Variants in ZEB1 observed in about 807,000 individuals in gnomAD.
ZEB1 encodes the protein zinc finger E-box-binding homeobox 1.
ZEB1 carries 21 observed loss-of-function variants against 84.9 expected under a neutral mutation model. That is an observed-to-expected ratio of 0.25 (90% confidence interval 0.18 to 0.36). The LOEUF (loss-of-function observed/expected upper bound fraction) is 0.36. ZEB1 is among the 10% of genes least tolerant of loss of function. The pLI is 1.00. For missense variants in ZEB1, 1,104 were observed against 1,330.2 expected (o/e 0.83, Z 2.65); for synonymous variants, 420 against 471.1 (o/e 0.89, Z 1.41).
chr10:31,426,155 T>G (rs1490996449), intron 1 of ZEB1, among the ~76,000 whole-genome samples: 1 of 152,200 alleles, frequency 6.6e-6, no homozygotes, highest in African/African-American at 2.4e-5. Flanking sequence ...CAGTATGTTG[T>G]TCTGAGGATG....
chr10:31,321,617 C>A, intron 1 of ZEB1: 1 of 1,602,390 alleles, frequency 6.2e-7, no homozygotes, highest in Non-Finnish European at 8.6e-7. Flanking sequence ...TTGTTGCTGA[C>A]GACATGTGTG....
chr10:31,324,583 G>A (rs1250071960), intron 1 of ZEB1, among the ~76,000 whole-genome samples: 6 of 151,960 alleles, frequency 3.9e-5, no homozygotes, highest in African/African-American at 1.2e-4. Flanking sequence ...AGAGTACAGC[G>A]AGAGGTTAGA....
At chr10:31,430,823 A>T (rs1301249228) in intron 1 of ZEB1, among the ~76,000 whole-genome samples, 1 of 152,206 alleles carries the variant, frequency 6.6e-6, no homozygotes, top group East Asian at 1.9e-4. Context: ...CAAAATTGAA[A>T]ACAGAGGCTT....
chr10:31,439,113 A>T (rs1288823358), intron 1 of ZEB1, among the ~76,000 whole-genome samples: 1 of 152,172 alleles, frequency 6.6e-6, no homozygotes, highest in Non-Finnish European at 1.5e-5. Context: ...CCTCATTTGT[A>T]TGTCCTAGAC....
intron 2 of ZEB1, among the ~76,000 whole-genome samples, chr10:31,475,021 T>C (rs2063879383): frequency 8.3e-6 from 1 of 121,012 alleles, no homozygotes; most frequent in Non-Finnish European, 1.6e-5. Context: ...TGAGATCACA[T>C]GGACACAGGA....
At chr10:31,503,990 T>G (rs1403954544) in intron 4 of ZEB1, among the ~76,000 whole-genome samples, 1 of 138,682 alleles carries the variant, frequency 7.2e-6, no homozygotes, top group Non-Finnish European at 1.5e-5. Context: ...TTGCAGATAT[T>G]CACTCTGTTG....
intron 1 of ZEB1, among the ~76,000 whole-genome samples, chr10:31,416,248 A>G (rs1201531479): frequency 9.9e-5 from 15 of 152,082 alleles, no homozygotes; most frequent in Non-Finnish European, 2.9e-5. Flanking sequence ...ATTTAGTTCT[A>G]AATATATTTA....
chr10:31,516,539 T>TAAAAAAA (rs71027029), intron 6 of ZEB1, among the ~76,000 whole-genome samples: 5 of 34,072 alleles, frequency 1.5e-4, no homozygotes, highest in Admixed American at 5.2e-4. Flanking sequence ...TGTCTGTAAG[T>TAAAAAAA]AAAAAAAAAA....
At chr10:31,522,231 A>G (rs1163960565) in intron 7 of ZEB1, among the ~76,000 whole-genome samples, 2 of 152,254 alleles carry the variant, frequency 1.3e-5, no homozygotes, top group East Asian at 1.9e-4. Context: ...CAAAATTGAA[A>G]TACTCGCTAA....
In ZEB1 at chr10:31,359,764, G is replaced by A. The variant is rs377177403; in HGVS notation, c.58+40472G>A. Among the ~76,000 whole-genome samples, 143 of 152,206 alleles carry A rather than the reference G, an allele frequency of 9.4e-4. 2 individuals carry two copies. Among genetic ancestry groups the A allele is most frequent in the African/African-American group, 3.4e-3 (140 of 41,532 alleles). The stretch of plus-strand genomic sequence containing the variant: ...TATTCATAGCATCATTGGACATTCA[G>A]TTAGTAAATTTTCCAGATAACAAAC... On this transcript the variant is annotated intron_variant, in intron 1 of 8. Transcript: ENST00000424869.
chr10:31,469,154 A>T (rs2062828338), intron 2 of ZEB1, among the ~76,000 whole-genome samples: 1 of 152,216 alleles, frequency 6.6e-6, no homozygotes, highest in Admixed American at 6.5e-5. Context: ...TAGACTAGAC[A>T]AACCAGAAGA....
chr10:31,512,565 G>T (rs115955865), intron 5 of ZEB1, among the ~76,000 whole-genome samples: 1,977 of 152,198 alleles, frequency 0.013, 33 homozygotes, highest in African/African-American at 0.045. Context: ...TGACTAACAA[G>T]CATTTTCAAG....
chr10:31,473,171 C>G (rs1262424884), intron 2 of ZEB1, among the ~76,000 whole-genome samples: 1 of 151,094 alleles, frequency 6.6e-6, no homozygotes, highest in Non-Finnish European at 1.5e-5. Flanking sequence ...CCCTCTCTCA[C>G]CACTCCTATT....
At chr10:31,503,714 C>T (rs905088429) in intron 4 of ZEB1, among the ~76,000 whole-genome samples, 1 of 151,916 alleles carries the variant, frequency 6.6e-6, no homozygotes, top group African/African-American at 2.4e-5. Flanking sequence ...CTTTTCTCCA[C>T]ATCTTCACCA....
intron 1 of ZEB1, among the ~76,000 whole-genome samples, chr10:31,415,923 A>G (rs2055139368): frequency 6.6e-6 from 1 of 152,112 alleles, no homozygotes; most frequent in Non-Finnish European, 1.5e-5. Flanking sequence ...ACATCCAAAA[A>G]TTTAAGAGAG....
At chr10:31,462,985 G>C (rs1201271461) in intron 2 of ZEB1, among the ~76,000 whole-genome samples, 1 of 152,152 alleles carries the variant, frequency 6.6e-6, no homozygotes, top group Non-Finnish European at 1.5e-5. Context: ...CAGGTTTCTA[G>C]AAAGTGAGAC....
At chr10:31,406,693 T>A (rs1590921814) in intron 1 of ZEB1, among the ~76,000 whole-genome samples, 1 of 152,342 alleles carries the variant, frequency 6.6e-6, no homozygotes, top group East Asian at 1.9e-4. Context: ...GCTCTTTAGT[T>A]TAATTACATT....
chr10:31,441,789 C>G (rs890502561), intron 1 of ZEB1, among the ~76,000 whole-genome samples: 5 of 152,088 alleles, frequency 3.3e-5, no homozygotes, highest in Admixed American at 6.5e-5. Flanking sequence ...TTTATGCAAC[C>G]AAAAGACACA....
intron 1 of ZEB1, among the ~76,000 whole-genome samples, chr10:31,398,158 T>G (rs556276276): frequency 1.3e-5 from 2 of 152,156 alleles, no homozygotes; most frequent in Non-Finnish European, 2.9e-5. Flanking sequence ...TATTAAAATA[T>G]AATCTTTGTT....
Sources: gnomAD v4.1 joint callset for allele counts (sites outside exome capture counted in the v4.1 genomes callset) on GRCh38, gnomAD v4.1.1 for gene constraint, MANE v1.5 for transcripts, NCBI Gene and HGNC (gene_info 2026-07-23, HGNC 2026-07-21) for gene names.